Variants in COLEC12 observed in about 807,000 individuals in gnomAD.
COLEC12 encodes collectin subfamily member 12, also known as collectin-12.
In COLEC12, 33 loss-of-function variants were observed where a neutral mutation model predicts 71.1. The ratio of observed to expected loss-of-function variants is 0.46; its 90% CI spans 0.35 to 0.62. COLEC12 has a LOEUF of 0.62. COLEC12 is among the 20% of genes least tolerant of loss of function. The pLI is 0.00. For synonymous variants in COLEC12, 350 were observed against 353.0 expected (o/e 0.99, Z 0.10); for missense variants, 765 against 916.1 (o/e 0.84, Z 2.13).
At chr18:462,607 T>C (rs1008753494) in intron 2 of COLEC12, among the ~76,000 whole-genome samples, 18 of 152,158 alleles carry the variant, frequency 1.2e-4, no homozygotes, top group Non-Finnish European at 2.9e-5. Context: ...ATGGTGGTAG[T>C]TGCACACCTC....
intron 2 of COLEC12, among the ~76,000 whole-genome samples, chr18:463,412 C>T (rs1207037808): frequency 6.6e-6 from 1 of 152,160 alleles, no homozygotes; most frequent in Non-Finnish European, 1.5e-5. Context: ...CCAACTAATT[C>T]AGAAGATCTA....
intron 8 of COLEC12, among the ~76,000 whole-genome samples, chr18:326,211 G>A (rs1913838452): frequency 1.3e-5 from 2 of 152,098 alleles, no homozygotes; most frequent in South Asian, 4.1e-4. Flanking sequence ...GATTTCCTTT[G>A]TGATTTTTCT....
At chr18:374,555 G>A (rs1252385524) in intron 2 of COLEC12, among the ~76,000 whole-genome samples, 7 of 152,222 alleles carry the variant, frequency 4.6e-5, no homozygotes, top group African/African-American at 7.2e-5. Flanking sequence ...CCTGAGGCTC[G>A]GAACTTGTGA....
intron 2 of COLEC12, among the ~76,000 whole-genome samples, chr18:410,930 G>A (rs1286164838): frequency 2.6e-5 from 4 of 152,186 alleles, no homozygotes; most frequent in Non-Finnish European, 5.9e-5. Context: ...AAGCCTGGGT[G>A]GGGAACCCAG....
At chr18:435,670 T>A (rs139102594) in intron 2 of COLEC12, among the ~76,000 whole-genome samples, 112 of 152,312 alleles carry the variant, frequency 7.4e-4, no homozygotes, top group Non-Finnish European at 1.4e-3. Flanking sequence ...TTTCTGACTA[T>A]CCAGAGGTGG....
chr18:334,712 C>A lies in COLEC12; in HGVS notation c.1816+30G>T, dbSNP rs778429772. 6.2e-6 allele frequency: 9 copies of A among 1,453,590 alleles called. No individual in the cohort carries two copies. In the East Asian group the frequency reaches 2.4e-4, roughly 39 times the overall value. The allele number at this position is 1,453,590 out of a possible 1,614,324, so 90.0% of individuals were successfully genotyped here. ...TCTCAAGCACATGCACTGCCCTGTC[C>A]CCCTGGCTGGAGGGAGGGCTTGGAC... On this transcript the variant is annotated intron_variant, in intron 6 of 9. Transcript: ENST00000400256.
intron 1 of COLEC12, among the ~76,000 whole-genome samples, chr18:488,267 C>T (rs953053057): frequency 6.6e-6 from 1 of 150,538 alleles, no homozygotes; most frequent in Non-Finnish European, 1.5e-5. Flanking sequence ...AAAAATTAGC[C>T]GGGCATAGTG....
rs1261045359 is a variant in COLEC12 at position 348,090 on chromosome 18, T to C, written c.255A>G (p.Ala85=). Residue 85 remains alanine (A), a synonymous_variant, in exon 4 of 10, where the codon GCA becomes GCG. Transcript: ENST00000400256. ...SRQTYDDKLT[A]VESDLKKLGD... Reference sequence around the variant, plus strand: ...CTAATTTTTTCAGGTCACTTTCCACTGCTGTGAGCTTGTCATCATAGGTTT... The same window carrying C: ...CTAATTTTTTCAGGTCACTTTCCACCGCTGTGAGCTTGTCATCATAGGTTT... 1.2e-6 allele frequency: 2 copies of C among 1,613,572 alleles called. No individual in the cohort carries two copies. The highest frequency in any genetic ancestry group is 1.7e-6 in the Non-Finnish European group (2 of 1,179,630).
chr18:419,820 G>C (rs1424748412), intron 2 of COLEC12, among the ~76,000 whole-genome samples: 1 of 152,216 alleles, frequency 6.6e-6, no homozygotes, highest in Non-Finnish European at 1.5e-5. Flanking sequence ...GAGTGGGTTG[G>C]TGGGGGTGAT....
At position 330,011 on chromosome 18, in the gene COLEC12, G is replaced by A. The variant is rs189499492; in HGVS notation, c.2063+1657C>T. The stretch of plus-strand genomic sequence containing the variant: ...AGGATCGCTTGAGCTGGGGAGATAA[G>A]AGGCTGCAGTGAGCCATGATCGTGC... On this transcript the variant is annotated intron_variant, in intron 8 of 9. Coordinates refer to ENST00000400256, the MANE Select transcript of COLEC12 (RefSeq NM_130386.3). 2.5e-3 allele frequency among the ~76,000 whole-genome samples: 375 copies of A among 152,240 alleles called. 1 individual carries two copies. The highest frequency in any genetic ancestry group is 4.3e-3 in the Non-Finnish European group (292 of 68,004).
chr18:362,440 CTGTAGCT>C lies in COLEC12; in HGVS notation c.59-4925_59-4919del, dbSNP rs1914767142. Among the ~76,000 whole-genome samples the C allele has an allele frequency of 6.6e-6, 1 of 152,144 alleles. No homozygotes were observed. Among genetic ancestry groups the C allele is most frequent in the Non-Finnish European group, 1.5e-5 (1 of 68,032 alleles). Reference sequence around the variant, plus strand: ...TACTACAAAGGGACCCTGCTGGCTCCTGTAGCTGGGGCACCCCCTCCTCCTTGAACCT... The same window carrying C: ...TACTACAAAGGGACCCTGCTGGCTCCGGGGCACCCCCTCCTCCTTGAACCT... On this transcript the variant is annotated intron_variant, in intron 2 of 9. Transcript: ENST00000400256. This position sits in a 1 kb window ranked among gnomAD's most constrained non-coding sequence, Gnocchi z 4.6.
chr18:499,043 G>C (rs1028056286), intron 1 of COLEC12, among the ~76,000 whole-genome samples: 17 of 152,180 alleles, frequency 1.1e-4, no homozygotes, highest in African/African-American at 4.1e-4. Flanking sequence ...CAGCAGAGAA[G>C]ATTCACTTCT....
chr18:429,565 A>G (rs1916262405), intron 2 of COLEC12, among the ~76,000 whole-genome samples: 1 of 152,048 alleles, frequency 6.6e-6, no homozygotes, highest in Admixed American at 6.5e-5. Context: ...TATTTTTAGT[A>G]GAGACAGGGA....
chr18:421,637 G>A (rs1916100478), intron 2 of COLEC12, among the ~76,000 whole-genome samples: 1 of 152,160 alleles, frequency 6.6e-6, no homozygotes, highest in Non-Finnish European at 1.5e-5. Flanking sequence ...TGCACAGAAA[G>A]TCGGTGCTGA....
At chr18:488,398 G>A (rs1022656954) in intron 1 of COLEC12, among the ~76,000 whole-genome samples, 5 of 151,790 alleles carry the variant, frequency 3.3e-5, no homozygotes, top group South Asian at 2.1e-4. Context: ...GTGACAGAGC[G>A]TGACTCCATC....
intron 8 of COLEC12, among the ~76,000 whole-genome samples, chr18:325,349 C>T (rs1346895714): frequency 2.6e-5 from 4 of 152,206 alleles, no homozygotes; most frequent in East Asian, 1.9e-4. Flanking sequence ...AATGAGGTCC[C>T]GTGGACAGAG....
chr18:381,020 T>C (rs1431854769), intron 2 of COLEC12, among the ~76,000 whole-genome samples: 2 of 152,132 alleles, frequency 1.3e-5, no homozygotes, highest in Non-Finnish European at 2.9e-5. Context: ...TTATGAACCC[T>C]TTCCCAAAGA....
At chr18:345,488 C>G (rs1040502974) in intron 5 of COLEC12, among the ~76,000 whole-genome samples, 1 of 152,208 alleles carries the variant, frequency 6.6e-6, no homozygotes, top group African/African-American at 2.4e-5. Context: ...GTTAAGATTA[C>G]AGGCATGAGC....
At chr18:366,046 T>C (rs977890882) in intron 2 of COLEC12, among the ~76,000 whole-genome samples, 1 of 152,182 alleles carries the variant, frequency 6.6e-6, no homozygotes, top group Non-Finnish European at 1.5e-5. Flanking sequence ...TCTTGCTACA[T>C]CCTGTTTATT....
Sources: gnomAD v4.1 joint callset for allele counts (sites outside exome capture counted in the v4.1 genomes callset) on GRCh38, gnomAD v4.1.1 for gene constraint, Gnocchi (gnomAD v3.1) non-coding constraint, MANE v1.5 for transcripts, NCBI Gene and HGNC (gene_info 2026-07-23, HGNC 2026-07-21) for gene names.